The following C10orf53 variants were observed in gnomAD, a reference collection of about 807,000 sequenced individuals.
The protein encoded by C10orf53 is UPF0728 protein C10orf53.
A neutral mutation model predicts 9.4 loss-of-function variants in C10orf53; 8 were observed. The ratio of observed to expected loss-of-function variants is 0.85; its 90% CI spans 0.50 to 1.53. The LOEUF (loss-of-function observed/expected upper bound fraction) is 1.53. Among genes scored for constraint, C10orf53 ranks in the 40% most tolerant of loss-of-function variants. The pLI, the probability that C10orf53 is intolerant of heterozygous loss-of-function variation, is 0.00. For synonymous variants in C10orf53, 48 were observed against 46.0 expected (o/e 1.04, Z -0.18); for missense variants, 117 against 117.8 (o/e 0.99, Z 0.03).
exon 3 of C10orf53, chr10:49,708,409 T>C: frequency 6.2e-7 from 1 of 1,614,204 alleles, no homozygotes; most frequent in Non-Finnish European, 8.5e-7. Context: ...AGCTCCAGGC[T>C]GACATTTCAC....
At chr10:49,691,916 T>TG (rs1187149104) in intron 1 of C10orf53, among the ~76,000 whole-genome samples, 3 of 152,132 alleles carry the variant, frequency 2.0e-5, no homozygotes, top group African/African-American at 4.8e-5. Context: ...AGGTGGAGGT[T>TG]GGGGGGTGCG....
chr10:49,707,888 C>A (rs572815756), intron 2 of C10orf53, among the ~76,000 whole-genome samples: 46 of 151,586 alleles, frequency 3.0e-4, no homozygotes, highest in Admixed American at 2.4e-3. Flanking sequence ...AAAAAAAAAA[C>A]CCATTGACCT....
intron 1 of C10orf53, among the ~76,000 whole-genome samples, chr10:49,686,118 T>G (rs761371557): frequency 2.6e-5 from 4 of 152,202 alleles, no homozygotes; most frequent in African/African-American, 4.8e-5. Context: ...GAACATAAAT[T>G]GTGAAGATGT....
At chr10:49,703,830 A>G (rs1392909078) in intron 2 of C10orf53, among the ~76,000 whole-genome samples, 1 of 152,276 alleles carries the variant, frequency 6.6e-6, no homozygotes, top group Non-Finnish European at 1.5e-5. Context: ...TCTTGAAAAC[A>G]AGACAACCTG....
chr10:49,698,550 T>C (rs533863958), downstream of C10orf53, among the ~76,000 whole-genome samples: 1 of 152,296 alleles, frequency 6.6e-6, no homozygotes, highest in South Asian at 2.1e-4. Context: ...ACATCTCAAC[T>C]GGTGACAATC....
downstream of C10orf53, among the ~76,000 whole-genome samples, chr10:49,702,028 C>A (rs1222309518): frequency 2.6e-5 from 4 of 151,990 alleles, no homozygotes; most frequent in African/African-American, 9.7e-5. Context: ...ATGGTGAAAC[C>A]CCGTCTCTAC....
At chr10:49,701,360 T>G (rs1268767424), downstream of C10orf53, among the ~76,000 whole-genome samples, 1 of 152,230 alleles carries the variant, frequency 6.6e-6, no homozygotes, top group African/African-American at 2.4e-5. Flanking sequence ...GAAACTAGGT[T>G]GAGAACCAGA....
At chr10:49,706,573 G>A (rs1840723719) in intron 2 of C10orf53, among the ~76,000 whole-genome samples, 2 of 152,100 alleles carry the variant, frequency 1.3e-5, no homozygotes, top group South Asian at 2.1e-4. Context: ...GGGAGAAGGG[G>A]GACTGAGAAG....
At chr10:49,684,304 A>C (rs1270817772) in intron 1 of C10orf53, among the ~76,000 whole-genome samples, 1 of 152,188 alleles carries the variant, frequency 6.6e-6, no homozygotes, top group East Asian at 1.9e-4. Flanking sequence ...GAGTCTTCCA[A>C]CTTAGTTTTT....
chr10:49,693,956 T>C (rs1840610526), intron 2 of C10orf53, 63 bp downstream of exon 2: 1 of 1,604,518 alleles, frequency 6.2e-7, no homozygotes, highest in South Asian at 1.1e-5. Flanking sequence ...CCTCAATTTC[T>C]AGTTGAAATG....
chr10:49,679,688 A>C lies in C10orf53; in HGVS notation c.-10A>C, dbSNP rs970382705. 3.2e-6 allele frequency: 5 copies of C among 1,545,236 alleles called. No individual in the cohort carries two copies. The South Asian group carries it at 6.0e-5, about 19-fold the overall frequency. On this transcript the variant is annotated 5_prime_UTR_variant, in exon 1 of 3. Coordinates refer to ENST00000374111, the MANE Select transcript of C10orf53 (RefSeq NM_001042427.3). ...TTCTCCCTTGCCTCTGCGGCGGCGG[A>C]GGCCTGGCGATGCCCAAGAACGCAG...
intron 1 of C10orf53, among the ~76,000 whole-genome samples, chr10:49,685,100 T>C (rs536398659): frequency 1.3e-5 from 2 of 152,194 alleles, no homozygotes; most frequent in African/African-American, 4.8e-5. Flanking sequence ...ACCTCTCTGC[T>C]CTCTTTCTCT....
downstream of C10orf53, among the ~76,000 whole-genome samples, chr10:49,699,514 A>T (rs1034769892): frequency 4.6e-5 from 7 of 152,066 alleles, no homozygotes; most frequent in African/African-American, 1.4e-4. Context: ...AATTAAAAAA[A>T]AAATTGGTGC....
At chr10:49,703,087 T>A (rs546520040) in intron 2 of C10orf53, among the ~76,000 whole-genome samples, 6 of 152,196 alleles carry the variant, frequency 3.9e-5, no homozygotes, top group Admixed American at 1.3e-4. Context: ...ACCTCTCGTG[T>A]CTCTTCACCA....
At chr10:49,708,496 C>T (rs4838554) in exon 3 of C10orf53, 750,757 of 1,613,884 alleles carry the variant, frequency 0.47, 178,406 homozygotes, top group Middle Eastern at 0.5. Flanking sequence ...CTGACTTGTA[C>T]TGTATTGGCC....
At chr10:49,681,228 G>T (rs918439984) in intron 1 of C10orf53, among the ~76,000 whole-genome samples, 1 of 152,180 alleles carries the variant, frequency 6.6e-6, no homozygotes, top group Non-Finnish European at 1.5e-5. Context: ...GGAGTTCAGA[G>T]AAAAAGTCTG....
chr10:49,707,390 ATTTTCCCAAAACTGACC>A (rs1438866400), intron 2 of C10orf53, among the ~76,000 whole-genome samples: 4 of 152,096 alleles, frequency 2.6e-5, no homozygotes, highest in Non-Finnish European at 5.9e-5. Context: ...TATTTTTGTA[ATTTTCCCAAAACTGACC>A]TTAGGAAGTC....
At chr10:49,692,831 T>A (rs1840597343) in intron 1 of C10orf53, among the ~76,000 whole-genome samples, 2 of 152,166 alleles carry the variant, frequency 1.3e-5, no homozygotes. Context: ...AAGGAGCCAT[T>A]GAATGTAAGT....
exon 3 of C10orf53, chr10:49,708,432 C>T (rs747648042): frequency 7.4e-6 from 12 of 1,614,000 alleles, no homozygotes; most frequent in Non-Finnish European, 7.6e-6. Context: ...GCTTAGCAGC[C>T]CGTGTAGGAT....
Sources: allele counts gnomAD v4.1 joint callset (sites outside exome capture counted in the v4.1 genomes callset), GRCh38; gene constraint gnomAD v4.1.1; transcripts MANE v1.5; gene names NCBI Gene and HGNC (gene_info 2026-07-23, HGNC 2026-07-21).